The following NTN1 variants were observed in gnomAD, a reference collection of about 807,000 sequenced individuals.
NTN1 encodes the protein netrin 1, also known as netrin-1.
Under a neutral mutation model 54.2 loss-of-function variants are expected in NTN1, and 11 were observed. That is an observed-to-expected ratio of 0.20 (90% CI 0.13 to 0.34). NTN1 has a LOEUF of 0.34. Among genes scored for constraint, NTN1 ranks in the 10% least tolerant of loss-of-function variants. The pLI is 1.00. For missense variants in NTN1, 740 were observed against 893.1 expected (o/e 0.83, Z 2.18); for synonymous variants, 371 against 382.0 (o/e 0.97, Z 0.33).
chr17:9,035,669 G>A (rs750408276), intron 2 of NTN1, among the ~76,000 whole-genome samples: 2 of 152,118 alleles, frequency 1.3e-5, no homozygotes, highest in Non-Finnish European at 1.5e-5. Flanking sequence ...TCCTGCTTCA[G>A]CCTCCTGAGT....
chr17:9,027,465 T>G (rs1270976707), intron 2 of NTN1, among the ~76,000 whole-genome samples: 2 of 152,118 alleles, frequency 1.3e-5, no homozygotes, highest in Non-Finnish European at 2.9e-5. Flanking sequence ...GCCTGACGTT[T>G]GTGCTTTGTT....
chr17:9,239,615 C>A lies in NTN1; in HGVS notation c.1487-25C>A, dbSNP rs988890623. On this transcript the variant is annotated intron_variant, in intron 6 of 6. Coordinates refer to ENST00000173229, the MANE Select transcript of NTN1 (RefSeq NM_004822.3). This position sits in a 1 kb window ranked among gnomAD's most constrained non-coding sequence, Gnocchi z 5.2. The stretch of plus-strand genomic sequence containing the variant: ...CCTAGCCACAGCAGCTGGGAGCCCA[C>A]CCGTCTGCCTGTGCTTCCTTGCAGC... 1.3e-6 allele frequency: 2 copies of A among 1,596,826 alleles called. No individual in the cohort carries two copies. The highest frequency in any genetic ancestry group is 1.7e-6 in the Non-Finnish European group (2 of 1,166,762).
chr17:9,089,312 G>A (rs2092100890), intron 2 of NTN1, among the ~76,000 whole-genome samples: 1 of 152,050 alleles, frequency 6.6e-6, no homozygotes, highest in Non-Finnish European at 1.5e-5. Flanking sequence ...CTACTCGGGA[G>A]GCTGAGACAG....
At chr17:9,141,401 C>T (rs1049605061) in intron 2 of NTN1, among the ~76,000 whole-genome samples, 13 of 152,092 alleles carry the variant, frequency 8.5e-5, no homozygotes, top group African/African-American at 1.7e-4. Context: ...GGAAGAGATG[C>T]GGTGAACTCC....
rs1050102640 is a variant in NTN1 at position 9,219,964 on chromosome 17, CCCCTGCAGCT to C, written c.1412-1190_1412-1181del. Among the ~76,000 whole-genome samples the C allele has an allele frequency of 4.5e-4, 68 of 152,342 alleles. No individual in the cohort carries two copies. The highest frequency in any genetic ancestry group is 1.5e-3 in the African/African-American group (64 of 41,578). On this transcript the variant is annotated intron_variant, in intron 5 of 6. Coordinates refer to ENST00000173229, the MANE Select transcript of NTN1 (RefSeq NM_004822.3). The surrounding 1 kb of genome is among the most constrained non-coding windows in gnomAD (Gnocchi z 4.5). ...CCACTGCTTCTAGAACAGGCTGGGC[CCCCTGCAGCT>C]CCCTGCAGCTCCCCGCTCCTCCCCG...
chr17:9,243,339 G>T lies in NTN1; in HGVS notation c.*3371G>T, dbSNP rs943143050. 6.6e-6 allele frequency: 1 copy of T among 152,280 alleles called. No homozygotes were observed. The highest frequency in any genetic ancestry group is 1.5e-5 in the Non-Finnish European group (1 of 68,122). 9.4% of individuals were successfully genotyped at this position (152,280 alleles called of 1,614,324 possible). On this transcript the variant is annotated 3_prime_UTR_variant, in exon 7 of 7. Transcript: ENST00000173229. ...AAGGCCCTGGAACTCTGCCTCAGTC[G>T]CGGCATGCTGGAGAGGGGTACGGAC...
In NTN1 at chr17:9,134,149, C is replaced by T. The variant is rs185312083; in HGVS notation, c.1019-28664C>T. Among the ~76,000 whole-genome samples, 853 of 151,116 alleles carry T rather than the reference C, an allele frequency of 5.6e-3. 5 individuals are homozygous for T. Among genetic ancestry groups the T allele is most frequent in the Admixed American group, 0.011 (168 of 15,186 alleles). ...TGAACTCCTGACCTTGTGATCTGCC[C>T]GCCTCAGCCTCCCAAAGTGCTGGGA... On this transcript the variant is annotated intron_variant, in intron 2 of 6. Transcript: ENST00000173229.
chr17:9,143,982 A>G (rs779715690), intron 2 of NTN1, among the ~76,000 whole-genome samples: 29 of 148,690 alleles, frequency 2.0e-4, no homozygotes, highest in Admixed American at 4.7e-4. Flanking sequence ...CTGCAAGTCC[A>G]CCTCCTGGGT....
At chr17:9,114,160 A>ATATATATATATATATATATAT (rs1310655092) in intron 2 of NTN1, among the ~76,000 whole-genome samples, 43 of 94,304 alleles carry the variant, frequency 4.6e-4, no homozygotes, top group Non-Finnish European at 7.2e-4. Flanking sequence ...AAAGAAAAAA[A>ATATATATATATATATATATAT]AAAAAAATAT....
the NTN1 span, among the ~76,000 whole-genome samples, chr17:9,014,772 A>G: frequency 6.6e-6 from 1 of 152,326 alleles, no homozygotes; most frequent in Non-Finnish European, 1.5e-5. Flanking sequence ...GTTAAGAAGC[A>G]CAGTCCATCC....
At chr17:9,128,700 G>A (rs2092254825) in intron 2 of NTN1, among the ~76,000 whole-genome samples, 1 of 152,238 alleles carries the variant, frequency 6.6e-6, no homozygotes, top group East Asian at 1.9e-4. Flanking sequence ...GTGGTGTACC[G>A]AGGGAGACCC....
At chr17:9,110,860 TCTC>T (rs2092187897) in intron 2 of NTN1, among the ~76,000 whole-genome samples, 2 of 152,018 alleles carry the variant, frequency 1.3e-5, no homozygotes, top group Middle Eastern at 3.4e-3. Context: ...TACACGATCT[TCTC>T]CTCTGCATGT....
chr17:9,009,452 A>C, the NTN1 span, among the ~76,000 whole-genome samples: 1 of 152,222 alleles, frequency 6.6e-6, no homozygotes, highest in Non-Finnish European at 1.5e-5. Context: ...GCCTGATATC[A>C]GCATCCACAG....
chr17:9,143,186 GAGA>G (rs1234536227), intron 2 of NTN1, among the ~76,000 whole-genome samples: 2 of 152,210 alleles, frequency 1.3e-5, no homozygotes, highest in East Asian at 1.9e-4. Flanking sequence ...AGTAGAGGAT[GAGA>G]AGAAGGTAGC....
At chr17:9,131,511 G>A (rs926363330) in intron 2 of NTN1, among the ~76,000 whole-genome samples, 5 of 151,490 alleles carry the variant, frequency 3.3e-5, no homozygotes, top group African/African-American at 1.2e-4. Context: ...TCCTCCACTA[G>A]CCTCTGCCCT....
At chr17:9,151,131 C>A (rs927434758) in intron 2 of NTN1, among the ~76,000 whole-genome samples, 4 of 152,158 alleles carry the variant, frequency 2.6e-5, no homozygotes, top group Non-Finnish European at 5.9e-5. Context: ...CCTGTCCCTT[C>A]CCCCAGAAGC....
At chr17:9,032,726 C>T (rs1425779774) in intron 2 of NTN1, among the ~76,000 whole-genome samples, 2 of 152,168 alleles carry the variant, frequency 1.3e-5, no homozygotes, top group African/African-American at 2.4e-5. Context: ...CTGTTGGACA[C>T]GGCCCCCCCA....
rs372020823 is a variant in NTN1 at position 9,092,581 on chromosome 17, C to T, written c.1018+69190C>T. ...TTGGGATTACAGGTGTGAGCCATGG[C>T]GCCCAGCCTGGATAGGTCAAAATTT... On this transcript the variant is annotated intron_variant, in intron 2 of 6. Transcript: ENST00000173229. Among the ~76,000 whole-genome samples, 7 of 152,020 alleles carry T rather than the reference C, an allele frequency of 4.6e-5. No individual in the cohort carries two copies. The East Asian group carries it at 9.7e-4, about 21-fold the overall frequency.
chr17:9,072,341 A>AGG (rs1416040668), intron 2 of NTN1, among the ~76,000 whole-genome samples: 1 of 150,986 alleles, frequency 6.6e-6, no homozygotes, highest in Non-Finnish European at 1.5e-5. Flanking sequence ...GGCTCCAGCT[A>AGG]ACCCTTAGAT....
Sources: gnomAD v4.1 joint callset for allele counts (sites outside exome capture counted in the v4.1 genomes callset) on GRCh38, gnomAD v4.1.1 for gene constraint, Gnocchi (gnomAD v3.1) non-coding constraint, MANE v1.5 for transcripts, NCBI Gene and HGNC (gene_info 2026-07-23, HGNC 2026-07-21) for gene names.